The following SERINC3 variants were observed in gnomAD, a reference collection of about 807,000 sequenced individuals.
The protein encoded by SERINC3 is tumor differentially expressed protein 1.
In SERINC3, 22 loss-of-function variants were observed where a neutral mutation model predicts 52.1. That is an observed-to-expected ratio of 0.42 (90% confidence interval 0.30 to 0.60). The LOEUF (loss-of-function observed/expected upper bound fraction) is 0.60, where lower values mean the gene tolerates loss of function less well. Ranked by LOEUF, SERINC3 falls within the 20% of genes least tolerant of loss-of-function variation. SERINC3 has a pLI of 0.16. For synonymous variants in SERINC3, 226 were observed against 212.7 expected, an observed-to-expected ratio of 1.06 and a Z score of -0.54; for missense variants, 564 against 584.6, an observed-to-expected ratio of 0.96 and a Z score of 0.36.
At chr20:44,515,726 C>T (rs950147982) in intron 1 of SERINC3, among the ~76,000 whole-genome samples, 4 of 151,706 alleles carry the variant, frequency 2.6e-5, no homozygotes, top group Admixed American at 1.3e-4. Context: ...TCTCGGCTCA[C>T]GGCAACCTCC....
chr20:44,514,104 T>C (rs113878909), intron 1 of SERINC3, 64 bp from the exon 2 acceptor site: 5 of 1,512,682 alleles, frequency 3.3e-6, no homozygotes, highest in Non-Finnish European at 4.5e-6. Context: ...GACACAGATG[T>C]CGCAGAAGAG....
rs755134335 is a variant in SERINC3 at position 44,500,331 on chromosome 20, C to T, written c.1387G>A (p.Ala463Thr). 1.4e-5 allele frequency: 22 copies of T among 1,610,796 alleles called. No individual in the cohort carries two copies. The highest frequency in any genetic ancestry group is 1.4e-5 in the Non-Finnish European group (17 of 1,178,800). The change falls in exon 10 of 10, where the codon GCT (alanine) becomes ACT (threonine). Residue 463 changes from alanine to threonine, a missense_variant. Coordinates refer to ENST00000342374, the MANE Select transcript of SERINC3 (RefSeq NM_006811.4). ...TCCCGACTGGTGAGGACAAGTGGAG[C>T]CACAAGGGTCCAGACGTAAAGCAGG... The part of the protein sequence containing the change: ...CLLLYVWTLV[A>T]PLVLTSRDFS
At chr20:44,515,506 G>C (rs1176258436) in intron 1 of SERINC3, among the ~76,000 whole-genome samples, 1 of 152,194 alleles carries the variant, frequency 6.6e-6, no homozygotes, top group African/African-American at 2.4e-5. Context: ...CAGAATAAGT[G>C]AATCTAGAGA....
intron 1 of SERINC3, among the ~76,000 whole-genome samples, chr20:44,516,751 GT>G (rs2064383293): frequency 6.6e-6 from 1 of 152,192 alleles, no homozygotes; most frequent in African/African-American, 2.4e-5. Context: ...CTGGAGTACA[GT>G]TGTGTGATCA....
chr20:44,512,835 T>A lies in SERINC3; in HGVS notation c.361A>T (p.Thr121Ser). 1 of 1,577,082 alleles carries A rather than the reference T, an allele frequency of 6.3e-7. No homozygotes were observed. The highest frequency in any genetic ancestry group is 2.3e-5 in the East Asian group (1 of 42,942). Residue 121 changes from threonine to serine, a missense_variant, in exon 3 of 10, where the codon ACA becomes TCA. By Grantham distance (58) the Thr-to-Ser change is moderately conservative. Coordinates refer to ENST00000342374, the MANE Select transcript of SERINC3 (RefSeq NM_006811.4). ...VFSLLMFKVKTSKDLRAAVHN... is the reference protein window; with the variant it reads ...VFSLLMFKVKSSKDLRAAVHN... ...ACTGCCGCTCGGAGATCTTTACTTGTTTTTACTTTGAACATGAGCAGAGAA... is the reference window on the plus strand; with the variant it reads ...ACTGCCGCTCGGAGATCTTTACTTGATTTTACTTTGAACATGAGCAGAGAA...
In SERINC3 at chr20:44,500,374, G is replaced by A; in HGVS notation, c.1344C>T (p.Ser448=). The part of the protein sequence containing the change: ...SKWPAVWVKI[S]SSWVCLLLYV... Reference sequence around the variant, plus strand: ...AAAGCAGGAGGCAGACCCAGCTGGAGCTGATCTTGACCCACACAGCTGGCC... The same window carrying A: ...AAAGCAGGAGGCAGACCCAGCTGGAACTGATCTTGACCCACACAGCTGGCC... The change falls in exon 10 of 10, where the codon AGC becomes AGT. Residue 448 remains serine (S), a synonymous_variant. Transcript: ENST00000342374. 2 of 1,600,868 alleles carry A rather than the reference G, an allele frequency of 1.2e-6. No individual in the cohort carries two copies. Among genetic ancestry groups the A allele is most frequent in the Non-Finnish European group, 8.5e-7 (1 of 1,173,548 alleles).
intron 1 of SERINC3, among the ~76,000 whole-genome samples, chr20:44,516,730 T>A (rs1386793974): frequency 1.3e-5 from 2 of 152,216 alleles, no homozygotes; most frequent in Non-Finnish European, 2.9e-5. Flanking sequence ...GGCGTCACTC[T>A]GTTGCCCAAG....
Position 44,507,004 on chromosome 20 carries a change from A to C in SERINC3, c.614-8T>G, listed in dbSNP as rs989749796. Reference sequence around the variant, plus strand: ...TTGTGAAAGACAGTAAAGCTGGAGAAAGGGAAACCAATATGAATGACCACA... The same window carrying C: ...TTGTGAAAGACAGTAAAGCTGGAGACAGGGAAACCAATATGAATGACCACA... On this transcript the variant is annotated splice_region_variant and splice_polypyrimidine_tract_variant and intron_variant, in intron 5 of 9. Transcript: ENST00000342374. 5 of 1,585,666 alleles carry C rather than the reference A, an allele frequency of 3.2e-6. No individual in the cohort carries two copies. The African/African-American group carries it at 5.4e-5, about 17-fold the overall frequency.
Position 44,501,251 on chromosome 20 carries a change from T to C in SERINC3, c.1105A>G (p.Ser369Gly), listed in dbSNP as rs760324199. The change falls in exon 9 of 10, where the codon AGT becomes GGT. Residue 369 changes from serine to glycine, a missense_variant. Ser to Gly is a moderately conservative substitution (Grantham distance 56). Coordinates refer to ENST00000342374, the MANE Select transcript of SERINC3 (RefSeq NM_006811.4). ...SQVDKLTLSG[S>G]DSVILGDTTT... ...GTATCACCAAGGATGACGCTGTCAC[T>C]CCCTGACAGGGTCAGCTTGTCTACT... 1 of 1,614,130 alleles carries C rather than the reference T, an allele frequency of 6.2e-7. No individual in the cohort carries two copies. Among genetic ancestry groups the C allele is most frequent in the South Asian group, 1.1e-5 (1 of 91,078 alleles).
intron 5 of SERINC3, among the ~76,000 whole-genome samples, chr20:44,507,989 A>G (rs191299948): frequency 2.1e-4 from 32 of 152,360 alleles, no homozygotes; most frequent in Admixed American, 2.0e-3. Flanking sequence ...ATTCAAGTCA[A>G]AGCCCAGATT....
In SERINC3 at chr20:44,514,119, C is replaced by T. The variant is rs565192826; in HGVS notation, c.40-79G>A. Reference sequence around the variant, plus strand: ...GACACAGATGTCGCAGAAGAGAAAGCGAGGCAAATCAGGCTTTATAGTTTT... The same window carrying T: ...GACACAGATGTCGCAGAAGAGAAAGTGAGGCAAATCAGGCTTTATAGTTTT... On this transcript the variant is annotated intron_variant, in intron 1 of 9. Coordinates refer to ENST00000342374, the MANE Select transcript of SERINC3 (RefSeq NM_006811.4). 1.2e-4 allele frequency: 167 copies of T among 1,435,550 alleles called. No homozygotes were observed. In the Middle Eastern group the frequency reaches 2.9e-3, roughly 25 times the overall value. The allele number at this position is 1,435,550 out of a possible 1,614,324, so 88.9% of individuals were successfully genotyped here. A position where few individuals can be genotyped will look rare whatever the true frequency, so the allele number is the denominator to read the frequency against.
intron 5 of SERINC3, among the ~76,000 whole-genome samples, chr20:44,508,868 T>C (rs985694632): frequency 1.4e-4 from 22 of 152,222 alleles, no homozygotes; most frequent in Admixed American, 1.2e-3. Flanking sequence ...GGGTTGCAGA[T>C]AGGTGGAGAT....
chr20:44,508,866 G>A (rs563167892), intron 5 of SERINC3, among the ~76,000 whole-genome samples: 2 of 152,244 alleles, frequency 1.3e-5, no homozygotes, highest in African/African-American at 2.4e-5. Flanking sequence ...ATGGGTTGCA[G>A]ATAGGTGGAG....
intron 1 of SERINC3, among the ~76,000 whole-genome samples, chr20:44,514,791 C>T (rs545627010): frequency 2.4e-3 from 371 of 152,004 alleles, no homozygotes; most frequent in African/African-American, 8.5e-3. Context: ...AAAAATAAAG[C>T]AACACTACAT....
At chr20:44,500,964 T>C (rs1600807797) in intron 9 of SERINC3, 109 bp downstream of exon 9, 1 of 749,468 alleles carries the variant, frequency 1.3e-6, no homozygotes, top group East Asian at 2.6e-5. Context: ...TTAACCCAAC[T>C]TCATTATATG....
intron 6 of SERINC3, among the ~76,000 whole-genome samples, chr20:44,506,318 G>T (rs921551413): frequency 6.7e-6 from 1 of 149,654 alleles, no homozygotes; most frequent in African/African-American, 2.5e-5. Context: ...TCCCGGCCAG[G>T]CGTGGTGGCT....
chr20:44,501,957 T>TA (rs1293425633), intron 8 of SERINC3, among the ~76,000 whole-genome samples: 1 of 152,064 alleles, frequency 6.6e-6, no homozygotes, highest in Non-Finnish European at 1.5e-5. Context: ...CTTTCCATGA[T>TA]AAAAACAGTC....
At chr20:44,519,463 C>T (rs191716138) in intron 1 of SERINC3, 11 of 836,398 alleles carry the variant, frequency 1.3e-5, no homozygotes, top group Admixed American at 1.2e-4. Flanking sequence ...ACGATTATTT[C>T]ATAAAACTTT....
At chr20:44,512,754 G>A (rs527518286) in intron 3 of SERINC3, 47 bp downstream of exon 3, 2 of 1,451,380 alleles carry the variant, frequency 1.4e-6, no homozygotes, top group East Asian at 2.6e-5. Flanking sequence ...TGAAGGGAAG[G>A]AAGAGCCACA....
Sources: gnomAD v4.1 joint callset for allele counts (sites outside exome capture counted in the v4.1 genomes callset) on GRCh38, gnomAD v4.1.1 for gene constraint, MANE v1.5 for transcripts, NCBI Gene and HGNC (gene_info 2026-07-23, HGNC 2026-07-21) for gene names.